ANKRD44: variants seen among roughly 807,000 people sequenced by gnomAD.
ANKRD44 encodes the protein ankyrin repeat domain 44.
In ANKRD44, 35 loss-of-function variants were observed where a neutral mutation model predicts 116.0. That is an observed-to-expected ratio of 0.30 (90% CI 0.23 to 0.40). ANKRD44 has a LOEUF of 0.40. Among genes scored for constraint, ANKRD44 ranks in the 10% least tolerant of loss-of-function variants. The pLI is 1.00. For missense variants in ANKRD44, 1,014 were observed against 1,242.6 expected (o/e 0.82, Z 2.77); for synonymous variants, 435 against 461.8 (o/e 0.94, Z 0.74).
At chr2:197,281,029 T>C (rs957447688) in intron 1 of ANKRD44, among the ~76,000 whole-genome samples, 2 of 152,260 alleles carry the variant, frequency 1.3e-5, no homozygotes, top group Non-Finnish European at 2.9e-5. Flanking sequence ...TGCTTTTTTT[T>C]TTTGAGATAT....
At chr2:197,280,317 A>T (rs555210773) in intron 1 of ANKRD44, among the ~76,000 whole-genome samples, 3 of 152,358 alleles carry the variant, frequency 2.0e-5, no homozygotes, top group Non-Finnish European at 4.4e-5. Flanking sequence ...GAAACAACAA[A>T]GAAAGCATCT....
intron 1 of ANKRD44, among the ~76,000 whole-genome samples, chr2:197,274,974 C>G (rs1451133840): frequency 2.6e-5 from 4 of 151,578 alleles, no homozygotes; most frequent in Non-Finnish European, 5.9e-5. Flanking sequence ...TGGTGGCATG[C>G]ACCTGTAGTC....
chr2:197,150,920 C>T (rs781215108), intron 2 of ANKRD44, among the ~76,000 whole-genome samples: 1 of 152,070 alleles, frequency 6.6e-6, no homozygotes, highest in Non-Finnish European at 1.5e-5. Context: ...TGGAAAAAAA[C>T]AATGACAAAC....
chr2:197,184,636 T>G lies in ANKRD44; in HGVS notation c.111+2387A>C, dbSNP rs1369971013. 2.0e-4 allele frequency among the ~76,000 whole-genome samples: 9 copies of G among 44,534 alleles called. 1 individual carries two copies. The highest frequency in any genetic ancestry group is 1.3e-3 in the Admixed American group (4 of 3,114). 29.2% of individuals were successfully genotyped at this position (44,534 alleles called of 152,430 possible). A position where few individuals can be genotyped will look rare whatever the true frequency, so the allele number is the denominator to read the frequency against. On this transcript the variant is annotated intron_variant, in intron 2 of 27. Coordinates refer to ENST00000282272, the MANE Select transcript of ANKRD44 (RefSeq NM_001195144.2). ...GCCTGGGCAGCTGAGCGAGACTCCA[T>G]CTCAAAAAAAAAAAAAAAAAAAAAA...
intron 1 of ANKRD44, among the ~76,000 whole-genome samples, chr2:197,274,005 A>C (rs1223423893): frequency 1.1e-5 from 1 of 89,694 alleles, no homozygotes; most frequent in Non-Finnish European, 2.2e-5. Context: ...ATATATATAT[A>C]TATATATATA....
intron 1 of ANKRD44, among the ~76,000 whole-genome samples, chr2:197,261,016 A>G (rs1215467474): frequency 6.6e-6 from 1 of 151,414 alleles, no homozygotes; most frequent in Non-Finnish European, 1.5e-5. Flanking sequence ...ATTTTCTCCC[A>G]TTCTGTAGGT....
At chr2:197,002,389 G>C (rs2076129330) in intron 21 of ANKRD44, among the ~76,000 whole-genome samples, 1 of 152,202 alleles carries the variant, frequency 6.6e-6, no homozygotes, top group South Asian at 2.1e-4. Context: ...ATAAGTAGAT[G>C]AATGAATATG....
intron 3 of ANKRD44, among the ~76,000 whole-genome samples, chr2:197,139,651 A>G (rs2079309183): frequency 6.6e-6 from 1 of 151,510 alleles, no homozygotes. Flanking sequence ...AGATATAGAT[A>G]TATATATAGC....
intron 27 of ANKRD44, chr2:196,990,856 T>G (rs1343062374): frequency 1.6e-6 from 2 of 1,232,406 alleles, no homozygotes. Context: ...AAAGGCATCA[T>G]GGTAGCCAAA....
chr2:197,176,232 C>G (rs1410723408), intron 2 of ANKRD44, among the ~76,000 whole-genome samples: 1 of 152,190 alleles, frequency 6.6e-6, no homozygotes, highest in Non-Finnish European at 1.5e-5. Context: ...AAATAAACTT[C>G]TATCTTATTC....
At chr2:197,211,896 G>A (rs1277666164) in intron 1 of ANKRD44, among the ~76,000 whole-genome samples, 2 of 152,060 alleles carry the variant, frequency 1.3e-5, no homozygotes, top group African/African-American at 4.8e-5. Flanking sequence ...GACCAACAGA[G>A]CCAAAGGAAC....
chr2:197,272,560 C>T (rs2082930492), intron 1 of ANKRD44, among the ~76,000 whole-genome samples: 1 of 152,200 alleles, frequency 6.6e-6, no homozygotes, highest in Non-Finnish European at 1.5e-5. Flanking sequence ...ATAAGCCACC[C>T]AGTTGATATT....
At chr2:196,984,022 C>T (rs568211388), downstream of ANKRD44, among the ~76,000 whole-genome samples, 2 of 152,224 alleles carry the variant, frequency 1.3e-5, no homozygotes, top group South Asian at 4.1e-4. Context: ...GCATTGCCTT[C>T]CAAAGTTCTT....
intron 1 of ANKRD44, among the ~76,000 whole-genome samples, chr2:197,285,174 G>C (rs781733453): frequency 1.5e-4 from 23 of 151,908 alleles, no homozygotes; most frequent in Admixed American, 1.4e-3. Context: ...GGGAGTTTAG[G>C]TTATGTAAGG....
At chr2:197,206,380 T>C (rs2081206018) in intron 1 of ANKRD44, among the ~76,000 whole-genome samples, 1 of 152,144 alleles carries the variant, frequency 6.6e-6, no homozygotes. Flanking sequence ...TTTAGGGAAG[T>C]AATTTCAAAA....
chr2:197,230,571 TA>T (rs2081834179), intron 1 of ANKRD44, among the ~76,000 whole-genome samples: 1 of 152,138 alleles, frequency 6.6e-6, no homozygotes, highest in Non-Finnish European at 1.5e-5. Flanking sequence ...AAAGTAAAAT[TA>T]AAAAGTATTT....
Position 196,971,238 on chromosome 2 carries a change from C to T in ANKRD44, c.2369-3792G>A, listed in dbSNP as rs73066821. 1.5e-3 allele frequency among the ~76,000 whole-genome samples: 225 copies of T among 152,288 alleles called. 2 individuals are homozygous for T. The highest frequency in any genetic ancestry group is 5.3e-3 in the African/African-American group (220 of 41,548). ...TGCTTGTGATCATACAAAATGACAC[C>T]TATAAACAATATGTGAATTTTTCAT... On this transcript the variant is annotated intron_variant, in intron 21 of 21. Transcript: ENST00000424317.
At chr2:197,118,185 C>A (rs1020573224) in intron 8 of ANKRD44, among the ~76,000 whole-genome samples, 2 of 151,678 alleles carry the variant, frequency 1.3e-5, no homozygotes, top group African/African-American at 4.9e-5. Context: ...TGCACTCCAA[C>A]CTAGGCAGCA....
At chr2:197,020,574 A>G (rs2076476900) in intron 17 of ANKRD44, among the ~76,000 whole-genome samples, 1 of 152,210 alleles carries the variant, frequency 6.6e-6, no homozygotes, top group African/African-American at 2.4e-5. Flanking sequence ...TTGGGCCACA[A>G]TCAAAGCCAT....
Sources: allele counts gnomAD v4.1 joint callset (sites outside exome capture counted in the v4.1 genomes callset), GRCh38; gene constraint gnomAD v4.1.1; transcripts MANE v1.5; gene names NCBI Gene and HGNC (gene_info 2026-07-23, HGNC 2026-07-21).